The following PCGF3 variants were observed in gnomAD, a reference collection of about 807,000 sequenced individuals.
The protein encoded by PCGF3 is polycomb group RING finger protein 3.
PCGF3 carries 7 observed loss-of-function variants against 33.1 expected under a neutral mutation model. The observed-to-expected ratio is 0.21, with a 90% CI of 0.12 to 0.40. PCGF3 has a LOEUF of 0.40. Ranked by LOEUF, PCGF3 falls within the 10% of genes least tolerant of loss-of-function variation. The probability of loss-of-function intolerance (pLI) is 1.00; values close to 1 mark genes in which losing one functional copy is unlikely to be tolerated. For synonymous variants in PCGF3, 153 were observed against 121.3 expected (o/e 1.26, Z -1.72); for missense variants, 211 against 313.3 (o/e 0.67, Z 2.46).
chr4:706,011 C>A (rs1053651253), intron 1 of PCGF3, 41 bp downstream of exon 1: 1 of 152,270 alleles, frequency 6.6e-6, no homozygotes, highest in Admixed American at 6.5e-5. Context: ...CCTCGGCGCC[C>A]GCTCCTCAGG....
intron 6 of PCGF3, among the ~76,000 whole-genome samples, chr4:740,922 T>A (rs923201363): frequency 6.6e-6 from 1 of 152,188 alleles, no homozygotes; most frequent in Admixed American, 6.5e-5. Context: ...GAACTCATCG[T>A]CACTGCATTG....
At chr4:707,776 G>A (rs1484746776) in intron 1 of PCGF3, among the ~76,000 whole-genome samples, 2 of 137,378 alleles carry the variant, frequency 1.5e-5, no homozygotes, top group African/African-American at 5.5e-5. Flanking sequence ...TGGGGGCCGG[G>A]ACCCTGGGAC....
chr4:751,146 C>T (rs1276445963), intron 8 of PCGF3, among the ~76,000 whole-genome samples: 1 of 152,100 alleles, frequency 6.6e-6, no homozygotes, highest in East Asian at 1.9e-4. Flanking sequence ...TTCTGTTCTT[C>T]TTGTGGCTGC....
rs557720039 is a variant in PCGF3 at position 717,403 on chromosome 4, T to C, written c.-190+11433T>C. On this transcript the variant is annotated intron_variant, in intron 1 of 10. Transcript: ENST00000362003. ...TGTGAGTGTGTGCTTACTTTTTTTTTCAGTCTTGCTTTGTCACTCAGACTG... is the reference window on the plus strand; with the variant it reads ...TGTGAGTGTGTGCTTACTTTTTTTTCCAGTCTTGCTTTGTCACTCAGACTG... Among the ~76,000 whole-genome samples, 11 of 152,240 alleles carry C rather than the reference T, an allele frequency of 7.2e-5. No individual in the cohort carries two copies. In the South Asian group the frequency reaches 1.0e-3, roughly 14 times the overall value.
chr4:765,917 C>T (rs1204819822), intron 10 of PCGF3, 115 bp from the exon 11 acceptor site: 4 of 885,976 alleles, frequency 4.5e-6, no homozygotes, highest in Admixed American at 1.8e-5. Context: ...CTGTGCAGCC[C>T]TGCATGTGGA....
intron 9 of PCGF3, among the ~76,000 whole-genome samples, chr4:763,125 A>C (rs921953397): frequency 6.6e-6 from 1 of 151,752 alleles, no homozygotes; most frequent in Non-Finnish European, 1.5e-5. Context: ...TCATGGAGAA[A>C]CCAAGTCAGG....
chr4:761,870 C>T, intron 9 of PCGF3: 1 of 985,408 alleles, frequency 1.0e-6, no homozygotes, highest in South Asian at 4.7e-5. Flanking sequence ...GCCCCCAAGG[C>T]AGTGACACCA....
chr4:719,433 A>C (rs1223815052), intron 1 of PCGF3, among the ~76,000 whole-genome samples: 1 of 152,212 alleles, frequency 6.6e-6, no homozygotes, highest in Non-Finnish European at 1.5e-5. Flanking sequence ...TCTTCTCACC[A>C]GGCGCAGCTC....
chr4:733,529 GGGACCCC>G (rs1320171946), intron 3 of PCGF3, 136 bp from the exon 4 acceptor site: 1 of 745,444 alleles, frequency 1.3e-6, no homozygotes, highest in African/African-American at 1.8e-5. Flanking sequence ...ATGGGAGCCT[GGGACCCC>G]GTGAGCCCAA....
exon 11 of PCGF3, chr4:766,064 G>A (rs753867327): frequency 5.6e-6 from 9 of 1,614,138 alleles, no homozygotes; most frequent in Non-Finnish European, 7.6e-6. Flanking sequence ...ACAGACCCAA[G>A]ATGGACTTGC....
intron 8 of PCGF3, among the ~76,000 whole-genome samples, chr4:752,512 C>G (rs1336868292): frequency 1.1e-4 from 16 of 152,232 alleles, no homozygotes; most frequent in Admixed American, 9.8e-4. Flanking sequence ...CTTCCAGAGC[C>G]TGGCTTTGCG....
intron 8 of PCGF3, chr4:756,902 A>G (rs1262721181): frequency 2.0e-5 from 3 of 152,248 alleles, no homozygotes; most frequent in African/African-American, 7.2e-5. Flanking sequence ...AATTTACGGA[A>G]AATTATTGCA....
intron 3 of PCGF3, among the ~76,000 whole-genome samples, chr4:733,213 A>G (rs964098389): frequency 6.6e-6 from 1 of 152,178 alleles, no homozygotes; most frequent in African/African-American, 2.4e-5. Flanking sequence ...CCCAGACTCT[A>G]AACTGGGCCC....
At chr4:712,178 G>T (rs1032496565) in intron 1 of PCGF3, among the ~76,000 whole-genome samples, 5 of 151,948 alleles carry the variant, frequency 3.3e-5, no homozygotes, top group Non-Finnish European at 7.4e-5. Flanking sequence ...AAAATGTGAG[G>T]CCTTAAGAAA....
In PCGF3 at chr4:738,693, CAA is replaced by C. The variant is rs33913968; in HGVS notation, c.262+1187_262+1188del. Among the ~76,000 whole-genome samples, 587 of 140,324 alleles carry C rather than the reference CAA, an allele frequency of 4.2e-3. 2 individuals are homozygous for C. The highest frequency in any genetic ancestry group is 3.9e-3 in the Admixed American group (55 of 14,076). The allele number at this position is 140,324 out of a possible 152,430, so 92.1% of individuals were successfully genotyped here. ...TGAAACCCTGTCTCTACCAAAAATA[CAA>C]AAAAAAAAAAAAAATTAGTCGGGCG... On this transcript the variant is annotated intron_variant, in intron 6 of 10. Coordinates refer to ENST00000362003, the Ensembl canonical transcript of PCGF3.
intron 8 of PCGF3, among the ~76,000 whole-genome samples, chr4:756,422 C>T (rs1050280609): frequency 6.2e-5 from 9 of 146,186 alleles, no homozygotes; most frequent in African/African-American, 2.3e-4. Flanking sequence ...TATGTTGGCC[C>T]GTCTGGCCTC....
intron 1 of PCGF3, among the ~76,000 whole-genome samples, chr4:722,785 G>A (rs1205745914): frequency 8.1e-5 from 6 of 73,876 alleles, no homozygotes; most frequent in Admixed American, 1.3e-4. Context: ...GTCCACACTC[G>A]CGTCATCGCC....
chr4:739,731 G>T (rs1035024767), intron 6 of PCGF3, among the ~76,000 whole-genome samples: 4 of 152,220 alleles, frequency 2.6e-5, no homozygotes, highest in African/African-American at 9.6e-5. Context: ...TCGTCTCCAC[G>T]TGTTAGTTGG....
At chr4:738,510 G>A (rs1220478310) in intron 6 of PCGF3, among the ~76,000 whole-genome samples, 1 of 152,166 alleles carries the variant, frequency 6.6e-6, no homozygotes, top group African/African-American at 2.4e-5. Context: ...GGCGGGATCG[G>A]GGCGGGACCC....
Sources: gnomAD v4.1 joint callset for allele counts (sites outside exome capture counted in the v4.1 genomes callset) on GRCh38, gnomAD v4.1.1 for gene constraint, MANE v1.5 for transcripts, NCBI Gene and HGNC (gene_info 2026-07-23, HGNC 2026-07-21) for gene names.